Variants in COL21A1 observed in about 807,000 individuals in gnomAD.
The protein encoded by COL21A1 is collagen type XXI alpha 1 chain, also known as collagen alpha-1(XXI) chain.
Under a neutral mutation model 137.9 loss-of-function variants are expected in COL21A1, and 149 were observed. That is an observed-to-expected ratio of 1.08 (90% CI 0.95 to 1.24). COL21A1 has a LOEUF of 1.24. Ranked by LOEUF, COL21A1 falls within the 50% of genes most tolerant of loss-of-function variation. The pLI is 0.00. For synonymous variants in COL21A1, 456 were observed against 391.5 expected (o/e 1.16, Z -1.95); for missense variants, 1,167 against 1,158.4 (o/e 1.01, Z -0.11).
intron 16 of COL21A1, among the ~76,000 whole-genome samples, chr6:56,104,619 T>A (rs990375135): frequency 2.0e-5 from 3 of 152,192 alleles, no homozygotes; most frequent in Non-Finnish European, 4.4e-5. Flanking sequence ...AAACATGGTC[T>A]CATATCCGAT....
chr6:56,122,270 T>G (rs1309117065), intron 16 of COL21A1, among the ~76,000 whole-genome samples: 1 of 151,668 alleles, frequency 6.6e-6, no homozygotes. Flanking sequence ...GGTAGTAGCT[T>G]GTTGAGAAAT....
chr6:56,078,428 T>C (rs2114137769), intron 17 of COL21A1, among the ~76,000 whole-genome samples: 2 of 151,750 alleles, frequency 1.3e-5, no homozygotes, highest in Non-Finnish European at 3.0e-5. Flanking sequence ...TTTATACAAA[T>C]GTATTGACAC....
At chr6:56,089,132 A>T (rs1768547714) in intron 17 of COL21A1, among the ~76,000 whole-genome samples, 1 of 152,118 alleles carries the variant, frequency 6.6e-6, no homozygotes, top group Non-Finnish European at 1.5e-5. Context: ...GGAAAGACAA[A>T]CTGCTCCCAT....
chr6:56,351,665 T>C (rs1399284342), intron 1 of COL21A1, among the ~76,000 whole-genome samples: 2 of 152,210 alleles, frequency 1.3e-5, no homozygotes, highest in Non-Finnish European at 2.9e-5. Context: ...ACATATTCCA[T>C]GCTCACATCC....
intron 20 of COL21A1, among the ~76,000 whole-genome samples, chr6:56,072,684 C>T (rs1045696194): frequency 6.6e-6 from 1 of 151,440 alleles, no homozygotes; most frequent in African/African-American, 2.4e-5. Flanking sequence ...GCCAATTTTG[C>T]ACTATAATGA....
Position 56,164,791 on chromosome 6 carries a change from GGAA to G in COL21A1, c.1287+20_1287+22del. 6.4e-7 allele frequency: 1 copy of G among 1,557,324 alleles called. No individual in the cohort carries two copies. Among genetic ancestry groups the G allele is most frequent in the East Asian group, 2.3e-5 (1 of 44,086 alleles). ...CCACAATACAAATATTACCTTAAGG[GGAA>G]CAATAGTATCCAAGCCTACCTCTCC... On this transcript the variant is annotated intron_variant, in intron 8 of 29. Transcript: ENST00000244728.
At chr6:56,311,896 C>T (rs1166029835) in intron 1 of COL21A1, among the ~76,000 whole-genome samples, 1 of 152,138 alleles carries the variant, frequency 6.6e-6, no homozygotes, top group Non-Finnish European at 1.5e-5. Flanking sequence ...ATTGGGAAGG[C>T]TTTCTGGAGT....
intron 1 of COL21A1, among the ~76,000 whole-genome samples, chr6:56,199,269 T>C (rs1413862204): frequency 1.3e-5 from 2 of 151,796 alleles, no homozygotes; most frequent in African/African-American, 4.9e-5. Context: ...ATATAGATGC[T>C]ACCTTCTCAA....
At chr6:56,136,140 C>T (rs2152229683) in intron 12 of COL21A1, among the ~76,000 whole-genome samples, 1 of 152,254 alleles carries the variant, frequency 6.6e-6, no homozygotes, top group Non-Finnish European at 1.5e-5. Flanking sequence ...TCTGCACCTG[C>T]CACCATAATT....
chr6:56,220,148 A>G (rs1165501491), intron 1 of COL21A1, among the ~76,000 whole-genome samples: 2 of 152,154 alleles, frequency 1.3e-5, no homozygotes, highest in Non-Finnish European at 2.9e-5. Flanking sequence ...ATCAAATGGC[A>G]TAATACATAA....
intron 1 of COL21A1, among the ~76,000 whole-genome samples, chr6:56,324,613 C>T (rs2152341981): frequency 6.6e-6 from 1 of 152,158 alleles, no homozygotes. Flanking sequence ...CTGCACACAT[C>T]TGATCATGGT....
At chr6:56,102,853 C>G (rs968461067) in intron 16 of COL21A1, among the ~76,000 whole-genome samples, 1 of 152,058 alleles carries the variant, frequency 6.6e-6, no homozygotes, top group Admixed American at 6.6e-5. Flanking sequence ...ATAGAAGGAG[C>G]AAAGATTAAT....
chr6:56,238,583 C>T (rs1209143164), intron 1 of COL21A1, among the ~76,000 whole-genome samples: 1 of 152,016 alleles, frequency 6.6e-6, no homozygotes, highest in Non-Finnish European at 1.5e-5. Flanking sequence ...AGACTGACAG[C>T]CTCATGGACC....
rs1041184706 is a variant in COL21A1 at position 56,134,912 on chromosome 6, C to T, written c.1542+6873G>A. Reference sequence around the variant, plus strand: ...CACATGGAACTTTAAGTCCATTAAACCTCTTTCTTTTGTAAATTGCCCAGT... The same window carrying T: ...CACATGGAACTTTAAGTCCATTAAATCTCTTTCTTTTGTAAATTGCCCAGT... On this transcript the variant is annotated intron_variant, in intron 12 of 29. Coordinates refer to ENST00000244728, the MANE Select transcript of COL21A1 (RefSeq NM_030820.4). Among the ~76,000 whole-genome samples the T allele has an allele frequency of 2.0e-5, 3 of 152,072 alleles. 1 individual carries two copies. In the East Asian group the frequency reaches 5.8e-4, roughly 29 times the overall value.
chr6:56,203,621 T>C (rs993300062), intron 1 of COL21A1, among the ~76,000 whole-genome samples: 1 of 152,226 alleles, frequency 6.6e-6, no homozygotes, highest in Non-Finnish European at 1.5e-5. Context: ...AAGAGCCAAT[T>C]TGAAAGGCTT....
At chr6:56,237,722 A>T (rs1782001052) in intron 1 of COL21A1, among the ~76,000 whole-genome samples, 1 of 152,162 alleles carries the variant, frequency 6.6e-6, no homozygotes, top group South Asian at 2.1e-4. Flanking sequence ...GAAAATTAAA[A>T]ATATTTAGAG....
intron 10 of COL21A1, among the ~76,000 whole-genome samples, chr6:56,146,799 A>G (rs1328699301): frequency 6.6e-6 from 1 of 152,150 alleles, no homozygotes; most frequent in Non-Finnish European, 1.5e-5. Flanking sequence ...GGTCTTACAA[A>G]GGACTCAAAA....
intron 16 of COL21A1, among the ~76,000 whole-genome samples, chr6:56,122,085 G>A (rs1281891180): frequency 6.6e-6 from 1 of 152,062 alleles, no homozygotes; most frequent in African/African-American, 2.4e-5. Context: ...AAGGAATGAA[G>A]TACTACCGAT....
intron 1 of COL21A1, among the ~76,000 whole-genome samples, chr6:56,325,028 T>G (rs1764972940): frequency 6.6e-6 from 1 of 151,018 alleles, no homozygotes; most frequent in African/African-American, 2.4e-5. Flanking sequence ...CATTAGATCA[T>G]ACCCTTTTTG....
Sources: allele counts gnomAD v4.1 joint callset (sites outside exome capture counted in the v4.1 genomes callset), GRCh38; gene constraint gnomAD v4.1.1; transcripts MANE v1.5; gene names NCBI Gene and HGNC (gene_info 2026-07-23, HGNC 2026-07-21).